COL13A1: variants seen among roughly 807,000 people sequenced by gnomAD.
The protein encoded by COL13A1 is collagen type XIII alpha 1 chain.
COL13A1 carries 89 observed loss-of-function variants against 130.9 expected under a neutral mutation model. The ratio of observed to expected loss-of-function variants is 0.68; its 90% CI spans 0.57 to 0.81. COL13A1 has a LOEUF of 0.81. COL13A1 is among the 30% of genes least tolerant of loss of function. The pLI, the probability that COL13A1 is intolerant of heterozygous loss-of-function variation, is 0.00. For synonymous variants in COL13A1, 402 were observed against 341.6 expected (o/e 1.18, Z -1.95); for missense variants, 879 against 934.6 (o/e 0.94, Z 0.78).
chr10:69,839,186 G>T (rs10823441), intron 2 of COL13A1, among the ~76,000 whole-genome samples: 44 of 152,034 alleles, frequency 2.9e-4, no homozygotes, highest in African/African-American at 1.0e-3. Context: ...TCATTCGTTC[G>T]TTCGTTCGTT....
At chr10:69,916,281 T>C (rs1197894576) in intron 17 of COL13A1, among the ~76,000 whole-genome samples, 1 of 152,224 alleles carries the variant, frequency 6.6e-6, no homozygotes, top group Non-Finnish European at 1.5e-5. Flanking sequence ...GGAGCAGGAT[T>C]GTCACACTCT....
At chr10:69,865,273 G>A (rs185221758) in intron 2 of COL13A1, among the ~76,000 whole-genome samples, 157 of 152,302 alleles carry the variant, frequency 1.0e-3, no homozygotes, top group African/African-American at 3.6e-3. Context: ...AATGGGCACA[G>A]CCAAGTGGCC....
chr10:69,853,212 C>T (rs927466476), intron 2 of COL13A1, among the ~76,000 whole-genome samples: 5 of 152,204 alleles, frequency 3.3e-5, no homozygotes, highest in Admixed American at 6.5e-5. Flanking sequence ...CCACCAGAGA[C>T]GCCTCACCCT....
intron 3 of COL13A1, among the ~76,000 whole-genome samples, chr10:69,868,119 C>CAA (rs55856106): frequency 1.6e-5 from 2 of 126,974 alleles, no homozygotes; most frequent in African/African-American, 6.0e-5. Flanking sequence ...CTATTGGAGT[C>CAA]AAAAAAAAAA....
chr10:69,907,594 AATAACTAACCCACTTCCATG>A (rs2062893963), intron 17 of COL13A1, among the ~76,000 whole-genome samples: 1 of 152,034 alleles, frequency 6.6e-6, no homozygotes, highest in African/African-American at 2.4e-5. Context: ...CCACTCCCAC[AATAACTAACCCACTTCCATG>A]ATAACTAACC....
At chr10:69,945,276 G>C (rs184181822) in intron 36 of COL13A1, among the ~76,000 whole-genome samples, 57 of 152,336 alleles carry the variant, frequency 3.7e-4, no homozygotes, top group African/African-American at 1.4e-3. Context: ...CACCAGCTTG[G>C]GGAAACCAGG....
At chr10:69,817,283 C>T (rs1026924288) in intron 1 of COL13A1, among the ~76,000 whole-genome samples, 2 of 151,880 alleles carry the variant, frequency 1.3e-5, no homozygotes, top group African/African-American at 4.8e-5. Flanking sequence ...CTCGTGGAAG[C>T]ACAGATGGGG....
At chr10:69,865,430 G>C (rs540734456) in intron 2 of COL13A1, among the ~76,000 whole-genome samples, 1 of 152,362 alleles carries the variant, frequency 6.6e-6, no homozygotes, top group Non-Finnish European at 1.5e-5. Flanking sequence ...ATGCAGGCCT[G>C]TTTGATGAAA....
intron 2 of COL13A1, among the ~76,000 whole-genome samples, chr10:69,839,326 A>G (rs1004857204): frequency 6.6e-6 from 1 of 152,378 alleles, no homozygotes; most frequent in South Asian, 2.1e-4. Flanking sequence ...AAATAAGCAC[A>G]TAAGGAAATT....
intron 17 of COL13A1, among the ~76,000 whole-genome samples, chr10:69,906,236 T>C (rs983886303): frequency 6.6e-6 from 1 of 152,230 alleles, no homozygotes; most frequent in Non-Finnish European, 1.5e-5. Context: ...AACTCAACCT[T>C]GATGAATGGG....
At chr10:69,810,446 G>C (rs1842759850) in intron 1 of COL13A1, among the ~76,000 whole-genome samples, 1 of 151,758 alleles carries the variant, frequency 6.6e-6, no homozygotes, top group African/African-American at 2.4e-5. Flanking sequence ...CCCCTTACCC[G>C]GGTCCCAAGC....
At chr10:69,897,730 C>A in intron 13 of COL13A1, among the ~76,000 whole-genome samples, 1 of 152,198 alleles carries the variant, frequency 6.6e-6, no homozygotes, top group East Asian at 1.9e-4. Context: ...GCATTCGCAG[C>A]CCAAGCAGCT....
In COL13A1 at chr10:69,822,403, C is replaced by T; in HGVS notation, c.329C>T (p.Ala110Val). ...WKLHSRRRRE[A>V]PKTSPGCNCP... ...CTCCACTCAAGGAGGCGCCGGGAGG[C>T]CCCAAAGACATCTCCAGGATGTAAC... Residue 110 changes from alanine to valine, a missense_variant, in exon 2 of 41, where the codon GCC becomes GTC. Ala to Val is a moderately conservative substitution (Grantham distance 64, BLOSUM62 0). This residue lies in a region of COL13A1 where 715 missense variants were observed against 721.0 expected (regional missense o/e 0.99). Transcript: ENST00000645393. The T allele has an allele frequency of 1.3e-6, 2 of 1,594,428 alleles. No homozygotes were observed. The highest frequency in any genetic ancestry group is 1.3e-5 in the African/African-American group (1 of 74,566).
intron 19 of COL13A1, among the ~76,000 whole-genome samples, 182 bp from the exon 20 acceptor site, chr10:69,918,880 A>G (rs1456793033): frequency 6.6e-6 from 1 of 152,224 alleles, no homozygotes; most frequent in Non-Finnish European, 1.5e-5. Flanking sequence ...TCTAAGGGTC[A>G]GTAGCCTGAT....
At position 69,884,384 on chromosome 10, in the gene COL13A1, G is replaced by A. The variant is rs74708449; in HGVS notation, c.514-3072G>A. The stretch of plus-strand genomic sequence containing the variant: ...TCAGCTAATGGTTAAACATTTGCCG[G>A]CAAGGAGTCTTGTTGGTGAGGGAGG... On this transcript the variant is annotated intron_variant, in intron 7 of 40. Transcript: ENST00000645393. Among the ~76,000 whole-genome samples, 269 of 152,328 alleles carry A rather than the reference G, an allele frequency of 1.8e-3. 7 individuals are homozygous for A. In the East Asian group the frequency reaches 0.037, roughly 21 times the overall value.
chr10:69,842,440 T>C (rs1851857059), intron 2 of COL13A1, among the ~76,000 whole-genome samples: 1 of 152,152 alleles, frequency 6.6e-6, no homozygotes. Flanking sequence ...AATAACCAAG[T>C]GCCCTGACAC....
chr10:69,870,488 A>ATT (rs72157739), intron 3 of COL13A1, among the ~76,000 whole-genome samples: 31,157 of 141,784 alleles, frequency 0.22, 3,526 homozygotes, highest in Middle Eastern at 0.27. Flanking sequence ...AATTTTTTTA[A>ATT]TTTTTTTTTT....
chr10:69,949,186 C>T (rs2136244515), intron 38 of COL13A1, among the ~76,000 whole-genome samples: 1 of 152,200 alleles, frequency 6.6e-6, no homozygotes, highest in South Asian at 2.1e-4. Flanking sequence ...CCATTCTGAC[C>T]TTTCTTTGTT....
intron 22 of COL13A1, 82 bp from the exon 23 acceptor site, chr10:69,922,626 C>T (rs1392515788): frequency 2.5e-5 from 24 of 944,770 alleles, no homozygotes; most frequent in Non-Finnish European, 3.5e-5. Context: ...CATCCTGGGG[C>T]CCACACCCCA....
Sources: gnomAD v4.1 joint callset for allele counts (sites outside exome capture counted in the v4.1 genomes callset) on GRCh38, gnomAD v4.1.1 for gene constraint, gnomAD v4.1.1 regional missense constraint, MANE v1.5 for transcripts, NCBI Gene and HGNC (gene_info 2026-07-23, HGNC 2026-07-21) for gene names.